Variants in SH2D6 observed in about 807,000 individuals in gnomAD.
SH2D6 encodes SH2 domain-containing protein 6.
A neutral mutation model predicts 30.2 loss-of-function variants in SH2D6; 31 were observed. The observed-to-expected ratio is 1.03, with a 90% CI of 0.77 to 1.38. SH2D6 has a LOEUF of 1.38. SH2D6 is among the 40% of genes most tolerant of loss of function. SH2D6 has a pLI of 0.00. For synonymous variants in SH2D6, 93 were observed against 104.6 expected (o/e 0.89, Z 0.68); for missense variants, 240 against 266.8 (o/e 0.90, Z 0.70).
chr2:85,435,227 A>T (rs1012260876), intron 20 of SH2D6, 104 bp downstream of exon 20: 7 of 1,310,924 alleles, frequency 5.3e-6, no homozygotes, highest in Non-Finnish European at 7.5e-6. Flanking sequence ...CCACTGCAAG[A>T]ACACATTGAA....
At chr2:85,434,598 T>C in intron 19 of SH2D6, 101 bp downstream of exon 19, 1 of 1,336,388 alleles carries the variant, frequency 7.5e-7, no homozygotes, top group Non-Finnish European at 1.0e-6. Context: ...CACTTCTCAC[T>C]ACTGCACTTG....
At chr2:85,424,705 G>A (rs544203961) in intron 5 of SH2D6, among the ~76,000 whole-genome samples, 1 of 152,166 alleles carries the variant, frequency 6.6e-6, no homozygotes, top group Non-Finnish European at 1.5e-5. Flanking sequence ...TGAGTTTGAG[G>A]CTGCAGTGGT....
chr2:85,431,461 G>T (rs1473834598), intron 13 of SH2D6, among the ~76,000 whole-genome samples, 193 bp downstream of exon 13: 5 of 152,188 alleles, frequency 3.3e-5, no homozygotes, highest in Admixed American at 6.5e-5. Context: ...CCTCCAACTC[G>T]CCTGGCCTGG....
At chr2:85,436,356 T>TA (rs1689455322) in intron 22 of SH2D6, 110 bp from the exon 23 acceptor site, 1 of 767,528 alleles carries the variant, frequency 1.3e-6, no homozygotes. Flanking sequence ...GGAAGGAAGA[T>TA]ATCTAGAAAA....
At chr2:85,433,500 A>G (rs2104935117) in intron 15 of SH2D6, 71 bp from the exon 16 acceptor site, 2 of 862,556 alleles carry the variant, frequency 2.3e-6, no homozygotes, top group Non-Finnish European at 2.8e-6. Flanking sequence ...CTCCTCCCCC[A>G]AAACCCCAGT....
intron 12 of SH2D6, 97 bp from the exon 13 acceptor site, chr2:85,431,110 AAGG>A (rs1688574661): frequency 6.6e-6 from 1 of 150,854 alleles, no homozygotes; most frequent in Admixed American, 6.6e-5. Flanking sequence ...GGAGCGAGGA[AAGG>A]AGGAGGAAAT....
At chr2:85,428,439 C>T (rs1688246754) in intron 6 of SH2D6, 145 bp from the exon 7 acceptor site, 1 of 152,176 alleles carries the variant, frequency 6.6e-6, no homozygotes, top group Non-Finnish European at 1.5e-5. Flanking sequence ...ATGCTAAAAT[C>T]CTAACCCCCC....
chr2:85,419,959 G>A (rs1396470512), intron 2 of SH2D6, among the ~76,000 whole-genome samples: 1 of 152,132 alleles, frequency 6.6e-6, no homozygotes, highest in Non-Finnish European at 1.5e-5. Context: ...TTGGTTTTCT[G>A]AGTGTTTCTG....
At chr2:85,436,082 G>A (rs1573259295) in intron 22 of SH2D6, among the ~76,000 whole-genome samples, 1 of 152,104 alleles carries the variant, frequency 6.6e-6, no homozygotes, top group Non-Finnish European at 1.5e-5. Context: ...GGAGGAGGGC[G>A]GGGTCCAGGA....
chr2:85,435,155 G>C (rs1486809915), intron 20 of SH2D6, 32 bp downstream of exon 20: 1 of 1,598,038 alleles, frequency 6.3e-7, no homozygotes, highest in Admixed American at 1.7e-5. Context: ...GCTGTAGGGA[G>C]AGGTTCCGGG....
At position 85,420,080 on chromosome 2, in the gene SH2D6, G is replaced by A. The variant is rs75548195; in HGVS notation, c.-577+836G>A. Among the ~76,000 whole-genome samples the A allele has an allele frequency of 4.3e-3, 648 of 152,050 alleles. 4 individuals carry two copies. The highest frequency in any genetic ancestry group is 0.015 in the African/African-American group (626 of 41,490). ...ACTCAGTCCCTGGACTCTTTAATAA[G>A]AGCCCGTTCTGTTTTGTTTGTTTGT... is the stretch of plus-strand genomic sequence containing the variant. On this transcript the variant is annotated intron_variant, in intron 2 of 23. Transcript: ENST00000469800.
At chr2:85,427,883 C>T (rs1295410437) in intron 6 of SH2D6, among the ~76,000 whole-genome samples, 1 of 152,062 alleles carries the variant, frequency 6.6e-6, no homozygotes, top group African/African-American at 2.4e-5. Context: ...ATTTTCTGGT[C>T]TTCCTCTCCA....
At chr2:85,427,472 C>T (rs901356171) in intron 6 of SH2D6, among the ~76,000 whole-genome samples, 1 of 152,266 alleles carries the variant, frequency 6.6e-6, no homozygotes, top group African/African-American at 2.4e-5. Context: ...TGGACTCTGC[C>T]CTCTGCCTGG....
Position 85,435,087 on chromosome 2 carries a change from C to A in SH2D6, c.612C>A (p.Pro204=). 6.6e-7 allele frequency: 1 copy of A among 1,508,510 alleles called. No individual in the cohort carries two copies. The highest frequency in any genetic ancestry group is 9.0e-7 in the Non-Finnish European group (1 of 1,113,818). The allele number at this position is 1,508,510 out of a possible 1,614,324, so 93.4% of individuals were successfully genotyped here. Residue 204 remains proline (P), a synonymous_variant, in exon 20 of 24, where the codon CCC becomes CCA. Transcript: ENST00000469800. The part of the protein sequence containing the change: ...ASKEGRKSSL[P]SVAPTGSASA... ...TAGAAGGAAGGAAATCGTCTCTTCC[C>A]TCTGTAGCCCCCACTGGGAGTGCCT...
At chr2:85,433,030 C>G (rs1311573115) in intron 14 of SH2D6, 69 bp from the exon 15 acceptor site, 5 of 984,920 alleles carry the variant, frequency 5.1e-6, no homozygotes, top group Non-Finnish European at 4.8e-6. Flanking sequence ...CTTTTTCAGC[C>G]TCAGTCCCGC....
chr2:85,429,553 T>C (rs1025850519), intron 8 of SH2D6, 34 bp from the exon 9 acceptor site: 1 of 152,772 alleles, frequency 6.5e-6, no homozygotes, highest in Non-Finnish European at 1.5e-5. Context: ...GTGGTTGCAC[T>C]GACCCCTGTA....
chr2:85,435,856 G>A, intron 22 of SH2D6, 32 bp downstream of exon 22: 1 of 1,549,010 alleles, frequency 6.5e-7, no homozygotes. Flanking sequence ...GGCCTAAGGA[G>A]GGACCACAGA....
rs752896449 is a variant in SH2D6 at position 85,435,515 on chromosome 2, C to G, written c.732+19C>G. The G allele has an allele frequency of 5.6e-6, 9 of 1,610,892 alleles. No homozygotes were observed. The highest frequency in any genetic ancestry group is 1.7e-5 in the Admixed American group (1 of 59,692). On this transcript the variant is annotated intron_variant, in intron 21 of 23. Transcript: ENST00000469800. ...ACAAAAGGTGGGCAGCCACGGACCC[C>G]GGGTCTTCTCCAAAACCCCTTTTGC... is the stretch of plus-strand genomic sequence containing the variant.
chr2:85,421,058 C>G (rs961355785), intron 2 of SH2D6, among the ~76,000 whole-genome samples: 1 of 152,258 alleles, frequency 6.6e-6, no homozygotes, highest in African/African-American at 2.4e-5. Context: ...CCACTGTGTC[C>G]AGTCTCTCCT....
Sources: allele counts gnomAD v4.1 joint callset (sites outside exome capture counted in the v4.1 genomes callset), GRCh38; gene constraint gnomAD v4.1.1; transcripts MANE v1.5; gene names NCBI Gene and HGNC (gene_info 2026-07-23, HGNC 2026-07-21).